Variants in NTRK3 observed in about 807,000 individuals in gnomAD.
NTRK3 encodes the protein NT-3 growth factor receptor.
In NTRK3, 24 loss-of-function variants were observed where a neutral mutation model predicts 91.7. The ratio of observed to expected loss-of-function variants is 0.26; its 90% CI spans 0.19 to 0.37. The LOEUF is 0.37. NTRK3 is among the 10% of genes least tolerant of loss of function. The pLI is 1.00. For missense variants in NTRK3, 880 were observed against 1,068.9 expected (o/e 0.82, Z 2.46); for synonymous variants, 483 against 404.0 (o/e 1.20, Z -2.34).
chr15:87,906,342 C>A (rs1472724226), intron 17 of NTRK3, among the ~76,000 whole-genome samples: 1 of 152,204 alleles, frequency 6.6e-6, no homozygotes, highest in African/African-American at 2.4e-5. Flanking sequence ...CACAGAAAGG[C>A]AGATGGGAGA....
intron 3 of NTRK3, among the ~76,000 whole-genome samples, chr15:88,210,497 C>A (rs2141410841): frequency 6.6e-6 from 1 of 152,320 alleles, no homozygotes; most frequent in South Asian, 2.1e-4. Context: ...TGGTTTCTTG[C>A]CTTTGCACCA....
chr15:88,079,905 C>T (rs1157261288), intron 13 of NTRK3, among the ~76,000 whole-genome samples: 1 of 152,178 alleles, frequency 6.6e-6, no homozygotes, highest in Admixed American at 6.5e-5. Context: ...ATCTTTCCAA[C>T]TCTTTTTTTT....
At chr15:88,073,133 G>T (rs985490942) in intron 13 of NTRK3, among the ~76,000 whole-genome samples, 2 of 152,158 alleles carry the variant, frequency 1.3e-5, no homozygotes. Flanking sequence ...CTCAAAGCCT[G>T]GTTCTCAGAC....
intron 3 of NTRK3, among the ~76,000 whole-genome samples, chr15:88,223,531 G>A (rs1333870869): frequency 6.6e-6 from 1 of 152,234 alleles, no homozygotes; most frequent in Non-Finnish European, 1.5e-5. Context: ...GGTATGCCCA[G>A]GGGCCAGAAG....
intron 14 of NTRK3, among the ~76,000 whole-genome samples, chr15:88,001,008 T>C (rs913394388): frequency 1.3e-5 from 2 of 152,182 alleles, no homozygotes; most frequent in Non-Finnish European, 2.9e-5. Context: ...TCCTCACCAA[T>C]ACTTTTTACT....
chr15:88,008,558 A>G (rs2076650674), intron 14 of NTRK3, among the ~76,000 whole-genome samples: 1 of 152,070 alleles, frequency 6.6e-6, no homozygotes, highest in African/African-American at 2.4e-5. Context: ...CAGATTCCTG[A>G]GGACACATAT....
At chr15:88,057,609 G>C (rs1200678982) in intron 13 of NTRK3, among the ~76,000 whole-genome samples, 1 of 152,200 alleles carries the variant, frequency 6.6e-6, no homozygotes, top group Non-Finnish European at 1.5e-5. Flanking sequence ...CCTTCAAGGA[G>C]AGCAAAGGTC....
At chr15:87,876,702 T>C (rs1359306096) in exon 19 of NTRK3, 1 of 222,672 alleles carries the variant, frequency 4.5e-6, no homozygotes, top group Non-Finnish European at 8.7e-6. Flanking sequence ...GATTGATAGA[T>C]AGTTAGATAT....
At chr15:88,012,894 A>C (rs550963559) in intron 14 of NTRK3, among the ~76,000 whole-genome samples, 18 of 152,326 alleles carry the variant, frequency 1.2e-4, no homozygotes, top group Admixed American at 3.3e-4. Flanking sequence ...AATCCTGAGA[A>C]TTTGCATTTC....
intron 5 of NTRK3, among the ~76,000 whole-genome samples, chr15:88,173,184 G>C (rs1333478440): frequency 6.6e-6 from 1 of 152,160 alleles, no homozygotes; most frequent in African/African-American, 2.4e-5. Context: ...AGAATGCGGG[G>C]ACCCAGGCAC....
intron 13 of NTRK3, among the ~76,000 whole-genome samples, chr15:88,072,231 C>G (rs1210274963): frequency 1.3e-5 from 2 of 151,986 alleles, no homozygotes; most frequent in African/African-American, 4.8e-5. Context: ...GTCTCGAACT[C>G]CTGACCTCAT....
intron 7 of NTRK3, 25 bp downstream of exon 7, chr15:88,137,379 C>T (rs1042280914): frequency 1.9e-6 from 3 of 1,611,964 alleles, no homozygotes; most frequent in South Asian, 1.1e-5. Flanking sequence ...CTGGAGCCAG[C>T]TGGGCCAGGC....
intron 13 of NTRK3, among the ~76,000 whole-genome samples, chr15:88,120,534 C>A (rs775240203): frequency 1.3e-5 from 2 of 152,132 alleles, no homozygotes; most frequent in Non-Finnish European, 2.9e-5. Context: ...CCTTCCTTCC[C>A]GGCCTTCCCA....
At chr15:88,187,423 A>T (rs891058360) in intron 3 of NTRK3, among the ~76,000 whole-genome samples, 1 of 152,172 alleles carries the variant, frequency 6.6e-6, no homozygotes. Flanking sequence ...CCCAACCAGG[A>T]GGTCAGTGTT....
At chr15:87,946,828 C>A (rs1374243938) in intron 14 of NTRK3, among the ~76,000 whole-genome samples, 1 of 151,204 alleles carries the variant, frequency 6.6e-6, no homozygotes, top group African/African-American at 2.4e-5. Flanking sequence ...GAGCCAGATA[C>A]CAGGCTGAGC....
chr15:87,977,000 T>C (rs1277030604), intron 14 of NTRK3, among the ~76,000 whole-genome samples: 5 of 152,078 alleles, frequency 3.3e-5, no homozygotes, highest in Admixed American at 3.3e-4. Flanking sequence ...CAACAGAACA[T>C]TCCCCAGCTA....
intron 15 of NTRK3, among the ~76,000 whole-genome samples, chr15:87,936,505 A>C (rs1275727029): frequency 1.3e-5 from 2 of 150,210 alleles, no homozygotes; most frequent in South Asian, 2.1e-4. Context: ...CAGCATCTTC[A>C]TGTCATCCAA....
At chr15:88,212,096 C>T (rs1475616356) in intron 3 of NTRK3, among the ~76,000 whole-genome samples, 9 of 152,190 alleles carry the variant, frequency 5.9e-5, no homozygotes, top group East Asian at 1.9e-4. Flanking sequence ...AGGCCGGGCA[C>T]GGTGGCTCAC....
Position 88,188,172 on chromosome 15 carries a change from G to T in NTRK3, c.249-3873C>A, listed in dbSNP as rs76448209. On this transcript the variant is annotated intron_variant, in intron 3 of 18. Transcript: ENST00000394480. ...GTGATGGCCCCCACAGGAACCTGCA[G>T]CTCTGCTCTCAATCTGGGTGTCCTG... Among the ~76,000 whole-genome samples, 1,043 of 152,292 alleles carry T rather than the reference G, an allele frequency of 6.8e-3. 13 individuals are homozygous for T. The highest frequency in any genetic ancestry group is 0.024 in the African/African-American group (987 of 41,560).
Sources: gnomAD v4.1 joint callset for allele counts (sites outside exome capture counted in the v4.1 genomes callset) on GRCh38, gnomAD v4.1.1 for gene constraint, MANE v1.5 for transcripts, NCBI Gene and HGNC (gene_info 2026-07-23, HGNC 2026-07-21) for gene names.